TSPAN18: variants seen among roughly 807,000 people sequenced by gnomAD.
TSPAN18 encodes tetraspanin-18.
A neutral mutation model predicts 27.3 loss-of-function variants in TSPAN18; 14 were observed. The ratio of observed to expected loss-of-function variants is 0.51; its 90% CI spans 0.34 to 0.80. The LOEUF (loss-of-function observed/expected upper bound fraction) is 0.80. Among genes scored for constraint, TSPAN18 ranks in the 30% least tolerant of loss-of-function variants. TSPAN18 has a pLI of 0.01. For missense variants in TSPAN18, 268 were observed against 323.9 expected (o/e 0.83, Z 1.32); for synonymous variants, 143 against 136.5 (o/e 1.05, Z -0.33).
intron 2 of TSPAN18, among the ~76,000 whole-genome samples, chr11:44,808,542 G>T (rs1043989240): frequency 9.2e-5 from 14 of 152,154 alleles, no homozygotes; most frequent in Admixed American, 8.5e-4. Context: ...ACTTTTCTCT[G>T]CAGCATAGGA....
chr11:44,797,106 A>G (rs186349427), intron 2 of TSPAN18, among the ~76,000 whole-genome samples: 1 of 152,284 alleles, frequency 6.6e-6, no homozygotes, highest in Admixed American at 6.5e-5. Context: ...GGAGTGACTC[A>G]TTGATGCCAC....
At chr11:44,922,123 T>A (rs919707486) in intron 8 of TSPAN18, among the ~76,000 whole-genome samples, 185 of 151,306 alleles carry the variant, frequency 1.2e-3, no homozygotes, top group Non-Finnish European at 1.7e-3. Flanking sequence ...ATGCATTTTT[T>A]TTTTTTTTTT....
intron 2 of TSPAN18, among the ~76,000 whole-genome samples, chr11:44,788,518 C>T (rs1565149463): frequency 7.1e-6 from 1 of 140,452 alleles, no homozygotes; most frequent in Non-Finnish European, 1.5e-5. Flanking sequence ...AGTGCAATGG[C>T]GTGATCTTGG....
chr11:44,805,262 G>A (rs1165130157), intron 2 of TSPAN18, among the ~76,000 whole-genome samples: 1 of 152,246 alleles, frequency 6.6e-6, no homozygotes, highest in Non-Finnish European at 1.5e-5. Flanking sequence ...GCGTGCATCT[G>A]TGTGCATCTG....
chr11:44,781,593 AC>A (rs1029057996), intron 2 of TSPAN18, among the ~76,000 whole-genome samples: 2 of 152,150 alleles, frequency 1.3e-5, no homozygotes, highest in Non-Finnish European at 2.9e-5. Flanking sequence ...GTCTTCTCCC[AC>A]AGCCCCGGGC....
intron 2 of TSPAN18, among the ~76,000 whole-genome samples, chr11:44,858,273 C>G (rs888669066): frequency 6.6e-6 from 1 of 152,210 alleles, no homozygotes; most frequent in Non-Finnish European, 1.5e-5. Context: ...GGCCCATTGT[C>G]CACAGCACCC....
chr11:44,800,006 GTTTTT>G (rs60067559), intron 2 of TSPAN18, among the ~76,000 whole-genome samples: 1,428 of 109,408 alleles, frequency 0.013, 24 homozygotes, highest in African/African-American at 0.049. Flanking sequence ...AATTTTTTGT[GTTTTT>G]TTTTTTTTTT....
At chr11:44,748,597 A>G (rs992497374) in intron 1 of TSPAN18, among the ~76,000 whole-genome samples, 1 of 152,154 alleles carries the variant, frequency 6.6e-6, no homozygotes, top group African/African-American at 2.4e-5. Context: ...GCTTGATTTC[A>G]AGCTAGAAAT....
At chr11:44,846,965 C>T (rs1239534070) in intron 2 of TSPAN18, among the ~76,000 whole-genome samples, 3 of 152,146 alleles carry the variant, frequency 2.0e-5, no homozygotes, top group East Asian at 1.9e-4. Context: ...GTTTAACTCT[C>T]GGAAGGGCCC....
At chr11:44,782,983 C>T (rs1408998918) in intron 2 of TSPAN18, among the ~76,000 whole-genome samples, 1 of 152,070 alleles carries the variant, frequency 6.6e-6, no homozygotes, top group Non-Finnish European at 1.5e-5. Context: ...TGTGCGCCAC[C>T]ATGCCTGGCT....
chr11:44,841,276 G>A (rs573429825), intron 2 of TSPAN18, among the ~76,000 whole-genome samples: 1 of 152,286 alleles, frequency 6.6e-6, no homozygotes, highest in East Asian at 1.9e-4. Context: ...CAGCACTTTG[G>A]GAAGCTGAGG....
At chr11:44,913,200 T>C (rs368409805) in intron 5 of TSPAN18, among the ~76,000 whole-genome samples, 3 of 152,332 alleles carry the variant, frequency 2.0e-5, no homozygotes, top group Admixed American at 6.5e-5. Flanking sequence ...AGAGTGACTT[T>C]AGTCAGCCCA....
At chr11:44,747,415 G>A (rs1436826069) in intron 1 of TSPAN18, among the ~76,000 whole-genome samples, 1 of 152,218 alleles carries the variant, frequency 6.6e-6, no homozygotes, top group Non-Finnish European at 1.5e-5. Context: ...AGGCTTATCT[G>A]GAAAATGGGC....
At chr11:44,905,374 G>T (rs1422147818) in intron 3 of TSPAN18, among the ~76,000 whole-genome samples, 2 of 152,152 alleles carry the variant, frequency 1.3e-5, no homozygotes, top group African/African-American at 2.4e-5. Flanking sequence ...CACCTGCAGT[G>T]CCGGCAGCTC....
chr11:44,807,277 T>C (rs1457928403), intron 2 of TSPAN18, among the ~76,000 whole-genome samples: 2 of 138,750 alleles, frequency 1.4e-5, no homozygotes, highest in Non-Finnish European at 3.0e-5. Context: ...GCCTATAATC[T>C]CAGCACTTTG....
At chr11:44,820,488 C>T (rs911573458) in intron 2 of TSPAN18, among the ~76,000 whole-genome samples, 1 of 152,196 alleles carries the variant, frequency 6.6e-6, no homozygotes, top group African/African-American at 2.4e-5. Context: ...GTGGGAGGTG[C>T]CACGTGGCAC....
chr11:44,886,914 T>TTGTCTGTGTGGGTTTGTTTGCACGTG (rs1858674759), intron 3 of TSPAN18, among the ~76,000 whole-genome samples: 1 of 152,154 alleles, frequency 6.6e-6, no homozygotes, highest in Non-Finnish European at 1.5e-5. Flanking sequence ...TGGGTATATA[T>TTGTCTGTGTGGGTTTGTTTGCACGTG]TGTCTGTGTG....
intron 1 of TSPAN18, among the ~76,000 whole-genome samples, chr11:44,748,427 C>A (rs1009567668): frequency 6.6e-6 from 1 of 151,762 alleles, no homozygotes; most frequent in Non-Finnish European, 1.5e-5. Context: ...GAGACCATCA[C>A]TTTCTTCCAC....
At chr11:44,787,161 A>G (rs1402637366) in intron 2 of TSPAN18, among the ~76,000 whole-genome samples, 1 of 152,262 alleles carries the variant, frequency 6.6e-6, no homozygotes, top group Non-Finnish European at 1.5e-5. Flanking sequence ...CTTGAAAAAC[A>G]GTGATCTAAG....
Sources: allele counts gnomAD v4.1 joint callset (sites outside exome capture counted in the v4.1 genomes callset), GRCh38; gene constraint gnomAD v4.1.1; transcripts MANE v1.5; gene names NCBI Gene and HGNC (gene_info 2026-07-23, HGNC 2026-07-21).